Variants in LY75 observed in about 807,000 individuals in gnomAD.
LY75 encodes the protein lymphocyte antigen 75, also known as C-type lectin domain family 13 member B.
LY75 carries 185 observed loss-of-function variants against 231.7 expected under a neutral mutation model. That is an observed-to-expected ratio of 0.80 (90% CI 0.71 to 0.90). LY75 has a LOEUF of 0.90. Ranked by LOEUF, LY75 falls within the 40% of genes least tolerant of loss-of-function variation. LY75 has a pLI of 0.00. For missense variants in LY75, 1,947 were observed against 2,050.2 expected (o/e 0.95, Z 0.97); for synonymous variants, 668 against 689.0 (o/e 0.97, Z 0.48).
Position 159,804,949 on chromosome 2 carries a change from C to G in LY75, c.*95G>C. The G allele has an allele frequency of 1.1e-6, 1 of 926,948 alleles. No homozygotes were observed. The highest frequency in any genetic ancestry group is 1.6e-6 in the Non-Finnish European group (1 of 613,876). 57.4% of individuals were successfully genotyped at this position (926,948 alleles called of 1,614,324 possible). A position where few individuals can be genotyped will look rare whatever the true frequency, so the allele number is the denominator to read the frequency against. ...ACAACTGAAAAAGTATTTAAGAGTT[C>G]TACTTTGGAGCAGAGTAAATACTGA... On this transcript the variant is annotated 3_prime_UTR_variant, in exon 35 of 35. Transcript: ENST00000263636.
At chr2:159,864,073 AC>A (rs2125862599) in intron 14 of LY75, among the ~76,000 whole-genome samples, 2 of 152,266 alleles carry the variant, frequency 1.3e-5, no homozygotes, top group East Asian at 3.9e-4. Flanking sequence ...ACACTGCCTA[AC>A]TAACAATGCA....
chr2:159,883,915 T>C (rs189654369), intron 6 of LY75, among the ~76,000 whole-genome samples: 1 of 152,318 alleles, frequency 6.6e-6, no homozygotes, highest in African/African-American at 2.4e-5. Context: ...CACAGTTCCT[T>C]AAAGCAGGAC....
chr2:159,899,035 T>C lies in LY75; in HGVS notation c.119A>G (p.His40Arg), dbSNP rs756129629. Reference sequence around the variant, plus strand: ...CTTGATGCACTTGCCCGTATTTCCATGGACGATGGTGAAGGGGTCATTAGC... The same window carrying C: ...CTTGATGCACTTGCCCGTATTTCCACGGACGATGGTGAAGGGGTCATTAGC... ...RAANDPFTIV[H>R]GNTGKCIKPV... is the part of the protein sequence containing the mutation. Residue 40 changes from histidine (H) to arginine (R), a missense_variant, in exon 2 of 35, where the codon CAT becomes CGT. Physicochemically the swap from His to Arg is conservative, Grantham distance 29. Coordinates refer to ENST00000263636, the MANE Select transcript of LY75 (RefSeq NM_002349.4). 1.4e-5 allele frequency: 22 copies of C among 1,613,486 alleles called. No individual in the cohort carries two copies. In the Middle Eastern group the frequency reaches 5.0e-4, roughly 36 times the overall value.
chr2:159,807,540 T>C (rs1418005728), intron 33 of LY75: 1 of 750,508 alleles, frequency 1.3e-6, no homozygotes, highest in Non-Finnish European at 1.6e-6. Flanking sequence ...ATTAAAGATA[T>C]GCTGGTGGAA....
intron 2 of LY75, among the ~76,000 whole-genome samples, chr2:159,895,953 T>C (rs986718767): frequency 6.6e-6 from 1 of 152,368 alleles, no homozygotes; most frequent in Non-Finnish European, 1.5e-5. Flanking sequence ...GGGAAGAATC[T>C]TCTCTGAATG....
At chr2:159,855,807 C>A (rs1684533720) in intron 16 of LY75, among the ~76,000 whole-genome samples, 1 of 152,170 alleles carries the variant, frequency 6.6e-6, no homozygotes. Flanking sequence ...GGCCACAGAT[C>A]ACACTGGCTT....
At chr2:159,832,203 T>C (rs1683684050) in intron 27 of LY75, among the ~76,000 whole-genome samples, 1 of 151,924 alleles carries the variant, frequency 6.6e-6, no homozygotes, top group Non-Finnish European at 1.5e-5. Flanking sequence ...ACTGGTACTG[T>C]TAGGAACCAG....
intron 4 of LY75, among the ~76,000 whole-genome samples, chr2:159,887,598 AAGAT>A (rs112835553): frequency 1.1e-4 from 17 of 151,890 alleles, no homozygotes; most frequent in East Asian, 7.7e-4. Context: ...AAAAGAAAGA[AAGAT>A]AGAAAGCAGA....
At chr2:159,832,641 TA>T (rs1389923312) in intron 27 of LY75, among the ~76,000 whole-genome samples, 1 of 152,224 alleles carries the variant, frequency 6.6e-6, no homozygotes, top group Non-Finnish European at 1.5e-5. Context: ...AACATTGGTT[TA>T]AACAAAATTA....
chr2:159,899,145 G>C (rs1157588976), intron 1 of LY75, 86 bp from the exon 2 acceptor site: 4 of 1,534,162 alleles, frequency 2.6e-6, no homozygotes, highest in Admixed American at 3.8e-5. Flanking sequence ...AGCACTACTG[G>C]ACTGTTCCCA....
At chr2:159,807,404 T>C (rs895775414) in intron 33 of LY75, among the ~76,000 whole-genome samples, 31 of 152,260 alleles carry the variant, frequency 2.0e-4, no homozygotes, top group African/African-American at 7.2e-4. Context: ...AAAGTTCTAT[T>C]GGACAACACA....
rs912947646 is a variant in LY75 at position 159,834,350 on chromosome 2, C to T, written c.3674-139G>A. 90 of 1,123,558 alleles carry T rather than the reference C, an allele frequency of 8.0e-5. No individual in the cohort carries two copies. In the Middle Eastern group the frequency reaches 2.1e-3, roughly 27 times the overall value. The allele number at this position is 1,123,558 out of a possible 1,614,324, so 69.6% of individuals were successfully genotyped here. A position where few individuals can be genotyped will look rare whatever the true frequency, so the allele number is the denominator to read the frequency against. On this transcript the variant is annotated intron_variant, in intron 26 of 34. Transcript: ENST00000263636. The stretch of plus-strand genomic sequence containing the variant: ...CTGGTGAAGCCTGTCTCTGTTTATA[C>T]TCAGATATAGCACACAAAAAGCCAG...
At chr2:159,837,262 G>T (rs1479806535) in intron 25 of LY75, among the ~76,000 whole-genome samples, 1 of 152,180 alleles carries the variant, frequency 6.6e-6, no homozygotes, top group African/African-American at 2.4e-5. Context: ...GCAGTGGATT[G>T]GATCAAGAAG....
intron 32 of LY75, among the ~76,000 whole-genome samples, chr2:159,809,957 C>T (rs56402119): frequency 0.32 from 48,372 of 151,836 alleles, 7,962 homozygotes; most frequent in South Asian, 0.35. Context: ...GGATTATAGG[C>T]GTGAGCCACC....
At chr2:159,860,686 C>A in intron 15 of LY75, 135 bp downstream of exon 15, 1 of 1,013,048 alleles carries the variant, frequency 9.9e-7, no homozygotes, top group Non-Finnish European at 1.5e-6. Flanking sequence ...GAGGGCCAGG[C>A]CATGGGTGTG....
At chr2:159,827,323 G>C (rs1683503176) in intron 28 of LY75, among the ~76,000 whole-genome samples, 1 of 152,178 alleles carries the variant, frequency 6.6e-6, no homozygotes. Flanking sequence ...CTTCTCAAGA[G>C]AAGACATTTA....
At chr2:159,886,128 G>A (rs1386487067) in intron 5 of LY75, among the ~76,000 whole-genome samples, 3 of 152,054 alleles carry the variant, frequency 2.0e-5, no homozygotes, top group African/African-American at 7.2e-5. Flanking sequence ...AGTCCTTTAG[G>A]GACATAGAAT....
intron 28 of LY75, among the ~76,000 whole-genome samples, chr2:159,830,747 A>G (rs1261916155): frequency 6.6e-6 from 1 of 152,172 alleles, no homozygotes; most frequent in Admixed American, 6.5e-5. Context: ...ATGCCTGGCT[A>G]ATTTTTGTAT....
chr2:159,811,518 T>C (rs1682960473), intron 31 of LY75, among the ~76,000 whole-genome samples: 1 of 152,238 alleles, frequency 6.6e-6, no homozygotes, highest in South Asian at 2.1e-4. Context: ...CTGAATCAAA[T>C]ATCTGACCTG....
Sources: allele counts gnomAD v4.1 joint callset (sites outside exome capture counted in the v4.1 genomes callset), GRCh38; gene constraint gnomAD v4.1.1; transcripts MANE v1.5; gene names NCBI Gene and HGNC (gene_info 2026-07-23, HGNC 2026-07-21).